CDH18: variants seen among roughly 807,000 people sequenced by gnomAD.
CDH18 encodes the protein cadherin-18.
A neutral mutation model predicts 67.9 loss-of-function variants in CDH18; 31 were observed. The ratio of observed to expected loss-of-function variants is 0.46; its 90% CI spans 0.34 to 0.62. The LOEUF (loss-of-function observed/expected upper bound fraction) is 0.62. CDH18 is among the 20% of genes least tolerant of loss of function. CDH18 has a pLI of 0.01. For missense variants in CDH18, 890 were observed against 975.5 expected (o/e 0.91, Z 1.17); for synonymous variants, 362 against 347.2 (o/e 1.04, Z -0.48).
intron 2 of CDH18, among the ~76,000 whole-genome samples, chr5:20,190,822 T>G (rs1344361503): frequency 2.6e-5 from 4 of 152,180 alleles, no homozygotes; most frequent in Non-Finnish European, 5.9e-5. Context: ...TCCTGCTCCA[T>G]GCTCTAATCA....
rs566986886 is a variant in CDH18, at chr5:20,158,513, G to A, written c.-518+96931C>T. On this transcript the variant is annotated intron_variant, in intron 2 of 14. Transcript: ENST00000507958. Reference sequence around the variant, plus strand: ...AGCTTATTACATTAATTTAATAATCGTGGCTGAATTATTTTTCATCCCTAA... The same window carrying A: ...AGCTTATTACATTAATTTAATAATCATGGCTGAATTATTTTTCATCCCTAA... 7.9e-5 allele frequency: 12 copies of A among 151,962 alleles called. No individual in the cohort carries two copies. In the East Asian group the frequency reaches 1.5e-3, roughly 20 times the overall value. The allele number at this position is 151,962 out of a possible 1,614,324, so 9.4% of individuals were successfully genotyped here.
intron 8 of CDH18, among the ~76,000 whole-genome samples, chr5:19,565,141 C>T (rs1740152499): frequency 6.6e-6 from 1 of 152,096 alleles, no homozygotes; most frequent in Non-Finnish European, 1.5e-5. Context: ...GGGAAGGACA[C>T]AATCCTGGCT....
chr5:20,339,056 C>T (rs889472125), intron 1 of CDH18, among the ~76,000 whole-genome samples: 1 of 152,132 alleles, frequency 6.6e-6, no homozygotes, highest in Admixed American at 6.6e-5. Flanking sequence ...TCTCTCTCCA[C>T]CCAAGGACAC....
Position 19,490,256 on chromosome 5 carries a change from G to A in CDH18, c.1631-6704C>T, listed in dbSNP as rs144350188. Among the ~76,000 whole-genome samples the A allele has an allele frequency of 2.7e-3, 411 of 152,000 alleles. 2 individuals are homozygous for A. The highest frequency in any genetic ancestry group is 9.4e-3 in the African/African-American group (392 of 41,504). On this transcript the variant is annotated intron_variant, in intron 11 of 12. Coordinates refer to ENST00000382275, the MANE Select transcript of CDH18 (RefSeq NM_004934.5). ...GTACATGGTGGAGCAGGTGACTCCTGTAGCACCATGTGGTTCTTAGTAAGG... is the reference window on the plus strand; with the variant it reads ...GTACATGGTGGAGCAGGTGACTCCTATAGCACCATGTGGTTCTTAGTAAGG...
upstream of CDH18, among the ~76,000 whole-genome samples, chr5:19,990,213 G>T (rs1799904659): frequency 6.6e-6 from 1 of 152,150 alleles, no homozygotes; most frequent in Admixed American, 6.5e-5. Context: ...GTCTGTAAGA[G>T]GTCCTATAGT....
chr5:19,618,646 C>T (rs62351277), intron 5 of CDH18, among the ~76,000 whole-genome samples: 8,775 of 152,198 alleles, frequency 0.058, 289 homozygotes, highest in Non-Finnish European at 0.074. Context: ...ATGTAAAGTG[C>T]TCATTATCGT....
intron 2 of CDH18, among the ~76,000 whole-genome samples, chr5:19,852,570 A>ATTCTTATT (rs1783830134): frequency 6.6e-6 from 1 of 152,022 alleles, no homozygotes; most frequent in African/African-American, 2.4e-5. Flanking sequence ...AAAGTTCAAT[A>ATTCTTATT]GCTTTATTGA....
intron 12 of CDH18, among the ~76,000 whole-genome samples, chr5:19,478,314 C>T (rs1738834843): frequency 6.6e-6 from 1 of 152,106 alleles, no homozygotes; most frequent in East Asian, 1.9e-4. Context: ...GATTCTTTGT[C>T]ATACCATCAT....
chr5:20,028,524 C>A (rs1434633602), intron 2 of CDH18, among the ~76,000 whole-genome samples: 1 of 152,100 alleles, frequency 6.6e-6, no homozygotes, highest in African/African-American at 2.4e-5. Flanking sequence ...TATAAAGGTT[C>A]AGGCAAGAAA....
chr5:20,217,982 T>C (rs1296291556), intron 2 of CDH18, among the ~76,000 whole-genome samples: 3 of 151,942 alleles, frequency 2.0e-5, no homozygotes, highest in African/African-American at 4.8e-5. Flanking sequence ...TAAATATACA[T>C]GATATATATG....
At chr5:19,747,309 C>T in intron 3 of CDH18, 73 bp from the exon 4 acceptor site, 1 of 1,238,636 alleles carries the variant, frequency 8.1e-7, no homozygotes. Flanking sequence ...TGAAAACTCC[C>T]TATCTATAAT....
At chr5:20,431,184 G>A (rs1409396522) in intron 1 of CDH18, among the ~76,000 whole-genome samples, 1 of 151,992 alleles carries the variant, frequency 6.6e-6, no homozygotes, top group African/African-American at 2.4e-5. Flanking sequence ...TCTTTCAACT[G>A]GATTTAAAAG....
At chr5:20,093,969 A>T in intron 2 of CDH18, among the ~76,000 whole-genome samples, 1 of 152,200 alleles carries the variant, frequency 6.6e-6, no homozygotes, top group African/African-American at 2.4e-5. Context: ...TTGGTAGGAT[A>T]AGAGCCTAAG....
chr5:19,725,420 A>C (rs1766705848), intron 4 of CDH18, among the ~76,000 whole-genome samples: 1 of 152,218 alleles, frequency 6.6e-6, no homozygotes, highest in Admixed American at 6.5e-5. Context: ...TTAGACTTTA[A>C]ATGTGCAGCA....
chr5:19,595,443 G>A (rs532463632), intron 6 of CDH18, among the ~76,000 whole-genome samples: 1 of 152,270 alleles, frequency 6.6e-6, no homozygotes, highest in East Asian at 1.9e-4. Context: ...GACCAACATG[G>A]TGAAATCCCA....
chr5:20,003,651 T>A (rs1400437532), intron 2 of CDH18, among the ~76,000 whole-genome samples: 1 of 152,114 alleles, frequency 6.6e-6, no homozygotes, highest in Non-Finnish European at 1.5e-5. Context: ...TCCCAGCACT[T>A]TGGGAGGCCG....
intron 1 of CDH18, among the ~76,000 whole-genome samples, chr5:20,349,401 T>G (rs1231791931): frequency 6.6e-6 from 1 of 152,102 alleles, no homozygotes; most frequent in African/African-American, 2.4e-5. Flanking sequence ...AACCTCTGTC[T>G]TTTTTTGCCT....
chr5:19,808,243 T>G (rs1778231042), intron 3 of CDH18, among the ~76,000 whole-genome samples: 1 of 151,938 alleles, frequency 6.6e-6, no homozygotes, highest in Non-Finnish European at 1.5e-5. Flanking sequence ...ATTGATTATA[T>G]TTAACTTTGT....
chr5:20,030,733 G>A (rs2150450694), intron 2 of CDH18, among the ~76,000 whole-genome samples: 1 of 152,274 alleles, frequency 6.6e-6, no homozygotes, highest in Admixed American at 6.5e-5. Flanking sequence ...AATGAAGGTT[G>A]TATAATATTA....
Sources: gnomAD v4.1 joint callset for allele counts (sites outside exome capture counted in the v4.1 genomes callset) on GRCh38, gnomAD v4.1.1 for gene constraint, MANE v1.5 for transcripts, NCBI Gene and HGNC (gene_info 2026-07-23, HGNC 2026-07-21) for gene names.